RABGAP1L: variants seen among roughly 807,000 people sequenced by gnomAD.
RABGAP1L encodes the protein rab GTPase-activating protein 1-like.
In RABGAP1L, 63 loss-of-function variants were observed where a neutral mutation model predicts 137.7. The ratio of observed to expected loss-of-function variants is 0.46; its 90% CI spans 0.37 to 0.56. RABGAP1L has a LOEUF of 0.56. Ranked by LOEUF, RABGAP1L falls within the 20% of genes least tolerant of loss-of-function variation. RABGAP1L has a pLI of 0.00. For synonymous variants in RABGAP1L, 431 were observed against 433.7 expected (o/e 0.99, Z 0.08); for missense variants, 1,095 against 1,244.0 (o/e 0.88, Z 1.80).
intron 13 of RABGAP1L, among the ~76,000 whole-genome samples, chr1:174,617,996 G>C (rs542568993): frequency 6.6e-6 from 1 of 152,328 alleles, no homozygotes; most frequent in South Asian, 2.1e-4. Flanking sequence ...TTAGATTATA[G>C]CCCGCGCCTG....
chr1:174,293,945 A>G (rs1676866142), intron 10 of RABGAP1L, among the ~76,000 whole-genome samples: 1 of 152,106 alleles, frequency 6.6e-6, no homozygotes, highest in South Asian at 2.1e-4. Flanking sequence ...CATAGTTCAG[A>G]AGCAGCACTC....
At chr1:174,909,070 T>C (rs1403529415) in intron 19 of RABGAP1L, among the ~76,000 whole-genome samples, 1 of 150,936 alleles carries the variant, frequency 6.6e-6, no homozygotes, top group Non-Finnish European at 1.5e-5. Flanking sequence ...TCCCAGCTAA[T>C]TGGGAGGCTG....
intron 19 of RABGAP1L, chr1:174,877,411 C>T (rs1307466049): frequency 1.3e-6 from 2 of 1,585,908 alleles, no homozygotes; most frequent in East Asian, 2.3e-5. Context: ...TACACTGGCA[C>T]TGAGCTGCAG....
chr1:174,349,039 C>T (rs1427515816), intron 11 of RABGAP1L, among the ~76,000 whole-genome samples: 2 of 124,508 alleles, frequency 1.6e-5, no homozygotes, highest in African/African-American at 2.6e-5. Context: ...GGGCGGCTGG[C>T]CGGGCGGGGG....
rs755558389 is a variant in RABGAP1L, at chr1:174,946,940, A to ATG, written c.2341-10477_2341-10476dup. 2.5e-3 allele frequency among the ~76,000 whole-genome samples: 154 copies of ATG among 60,956 alleles called. 4 individuals are homozygous for ATG. Among genetic ancestry groups the ATG allele is most frequent in the Non-Finnish European group, 3.4e-3 (122 of 36,296 alleles). 40.0% of individuals were successfully genotyped at this position (60,956 alleles called of 152,430 possible). ...AAAATATATATATATATATATATAT[A>ATG]TGTGTGTGTGTGTGTGTGTGTGTGT... On this transcript the variant is annotated intron_variant, in intron 19 of 25. Transcript: ENST00000681986.
chr1:174,373,126 CTCT>C (rs1300458009), intron 12 of RABGAP1L, among the ~76,000 whole-genome samples: 1 of 151,930 alleles, frequency 6.6e-6, no homozygotes, highest in African/African-American at 2.4e-5. Context: ...TAGGGTTACT[CTCT>C]TCCTTTAAGA....
chr1:174,812,295 G>A lies in RABGAP1L; in HGVS notation c.2340+335G>A, dbSNP rs115960789. Among the ~76,000 whole-genome samples the A allele has an allele frequency of 4.7e-3, 712 of 152,240 alleles. 6 individuals are homozygous for A. Among genetic ancestry groups the A allele is most frequent in the African/African-American group, 0.014 (590 of 41,548 alleles). On this transcript the variant is annotated intron_variant, in intron 19 of 25. Coordinates refer to ENST00000681986, the MANE Select transcript of RABGAP1L (RefSeq NM_001366446.1). Reference sequence around the variant, plus strand: ...TGCCATCTGTTTTAAGATTATTTAGGACAAAGCAAGAAAAGCTTGCTTAGG... The same window carrying A: ...TGCCATCTGTTTTAAGATTATTTAGAACAAAGCAAGAAAAGCTTGCTTAGG...
chr1:174,409,783 G>A (rs927459726), intron 13 of RABGAP1L, among the ~76,000 whole-genome samples: 7 of 152,046 alleles, frequency 4.6e-5, no homozygotes, highest in African/African-American at 7.2e-5. Context: ...GTCTCCTGCC[G>A]TACCCTCAGG....
At position 174,579,241 on chromosome 1, in the gene RABGAP1L, A is replaced by G. The variant is rs182826821; in HGVS notation, c.1711-58134A>G. Among the ~76,000 whole-genome samples, 302 of 152,222 alleles carry G rather than the reference A, an allele frequency of 2.0e-3. 1 individual carries two copies. The highest frequency in any genetic ancestry group is 6.9e-3 in the African/African-American group (285 of 41,548). ...TTATAATGAGCATGGCACGTTGGATAGGGTCAGAGAGTTTTTAATGCTAAT... is the reference window on the plus strand; with the variant it reads ...TTATAATGAGCATGGCACGTTGGATGGGGTCAGAGAGTTTTTAATGCTAAT... On this transcript the variant is annotated intron_variant, in intron 13 of 25. Coordinates refer to ENST00000681986, the MANE Select transcript of RABGAP1L (RefSeq NM_001366446.1).
At chr1:174,915,467 C>CT (rs1411772090) in intron 19 of RABGAP1L, among the ~76,000 whole-genome samples, 1 of 151,624 alleles carries the variant, frequency 6.6e-6, no homozygotes, top group Non-Finnish European at 1.5e-5. Flanking sequence ...GCCCTTTTTT[C>CT]TTTTGTTTTT....
chr1:174,478,121 ATTTTCCCCGTCTAG>A, intron 13 of RABGAP1L, among the ~76,000 whole-genome samples: 1 of 151,978 alleles, frequency 6.6e-6, no homozygotes, highest in East Asian at 1.9e-4. Context: ...ATTACCTTCT[ATTTTCCCCGTCTAG>A]TTTTCAAGTA....
chr1:174,164,259 ATCAGTTTGTTAC>A, intron 1 of RABGAP1L, among the ~76,000 whole-genome samples: 1 of 152,264 alleles, frequency 6.6e-6, no homozygotes, highest in East Asian at 1.9e-4. Flanking sequence ...TTCTGGTGAT[ATCAGTTTGTTAC>A]TCCCATTTTT....
rs1187717773 is a variant in RABGAP1L, at chr1:174,969,369, A to G, written c.2526A>G (p.Leu842=). The change falls in exon 21 of 26, where the codon CTA becomes CTG. Residue 842 remains leucine, a synonymous_variant. Transcript: ENST00000681986. The part of the protein sequence containing the change: ...AHELVTSKIA[L]RNDLDQAEDK... ...AACTAGTAACAAGCAAAATTGCTCT[A>G]CGGAATGACTTGGATCAGGTAATCC... 1 of 1,550,054 alleles carries G rather than the reference A, an allele frequency of 6.5e-7. No homozygotes were observed. Among genetic ancestry groups the G allele is most frequent in the Non-Finnish European group, 8.7e-7 (1 of 1,146,476 alleles).
chr1:174,692,549 C>T (rs911859550), intron 15 of RABGAP1L, among the ~76,000 whole-genome samples: 1 of 152,132 alleles, frequency 6.6e-6, no homozygotes, highest in Non-Finnish European at 1.5e-5. Context: ...GGGGGACATT[C>T]TTCCTAGTGA....
intron 17 of RABGAP1L, among the ~76,000 whole-genome samples, chr1:174,738,524 G>A (rs543626272): frequency 3.9e-5 from 6 of 152,274 alleles, no homozygotes; most frequent in South Asian, 2.1e-4. Flanking sequence ...GTTAATACCC[G>A]TCTTAGACTT....
chr1:174,241,279 C>A (rs1671802039), intron 4 of RABGAP1L, among the ~76,000 whole-genome samples: 1 of 151,918 alleles, frequency 6.6e-6, no homozygotes, highest in South Asian at 2.1e-4. Context: ...AAGATGGGGC[C>A]ACTTCACTCC....
At chr1:174,317,777 A>G (rs574089222) in intron 11 of RABGAP1L, among the ~76,000 whole-genome samples, 21 of 152,280 alleles carry the variant, frequency 1.4e-4, no homozygotes, top group African/African-American at 4.1e-4. Context: ...ATAGCACTGT[A>G]GCCCTTGGTG....
chr1:174,279,620 T>G (rs1050043954), intron 10 of RABGAP1L, among the ~76,000 whole-genome samples: 1 of 152,172 alleles, frequency 6.6e-6, no homozygotes, highest in Non-Finnish European at 1.5e-5. Context: ...TTATATACTA[T>G]GTACTTGGAA....
At chr1:174,724,687 T>G (rs968220390) in intron 17 of RABGAP1L, among the ~76,000 whole-genome samples, 2 of 152,204 alleles carry the variant, frequency 1.3e-5, no homozygotes, top group African/African-American at 2.4e-5. Context: ...AGAACAGACG[T>G]TGTCTTTGCA....
Sources: allele counts gnomAD v4.1 joint callset (sites outside exome capture counted in the v4.1 genomes callset), GRCh38; gene constraint gnomAD v4.1.1; transcripts MANE v1.5; gene names NCBI Gene and HGNC (gene_info 2026-07-23, HGNC 2026-07-21).